The following SWT1 variants were observed in gnomAD, a reference collection of about 807,000 sequenced individuals.
The protein encoded by SWT1 is transcriptional protein SWT1.
A neutral mutation model predicts 107.3 loss-of-function variants in SWT1; 33 were observed. The observed-to-expected ratio is 0.31, with a 90% CI of 0.23 to 0.41. The LOEUF (loss-of-function observed/expected upper bound fraction) is 0.41. SWT1 is among the 10% of genes least tolerant of loss of function. The pLI is 1.00. For missense variants in SWT1, 898 were observed against 1,028.9 expected, an observed-to-expected ratio of 0.87 and a Z score of 1.74; for synonymous variants, 345 against 348.3, an observed-to-expected ratio of 0.99 and a Z score of 0.11.
chr1:185,168,301 C>A, intron 3 of SWT1, 39 bp from the exon 4 acceptor site: 1 of 987,236 alleles, frequency 1.0e-6, no homozygotes, highest in Non-Finnish European at 1.4e-6. Flanking sequence ...AAATATGTAC[C>A]AGTGCACAAT....
At chr1:185,198,022 G>A (rs758324551) in intron 10 of SWT1, among the ~76,000 whole-genome samples, 4 of 152,060 alleles carry the variant, frequency 2.6e-5, no homozygotes, top group African/African-American at 7.2e-5. Context: ...TCTTTTAATT[G>A]TGATGTTAGG....
At chr1:185,232,953 A>C (rs1335238533) in intron 16 of SWT1, among the ~76,000 whole-genome samples, 4 of 152,148 alleles carry the variant, frequency 2.6e-5, no homozygotes, top group Non-Finnish European at 4.4e-5. Flanking sequence ...CAGGTAATTC[A>C]TATGTGTCAG....
intron 10 of SWT1, among the ~76,000 whole-genome samples, chr1:185,196,486 T>C (rs1252604854): frequency 2.6e-5 from 4 of 152,164 alleles, no homozygotes; most frequent in Admixed American, 6.5e-5. Flanking sequence ...CTTCTTTCCA[T>C]ATGAAATTTA....
chr1:185,175,034 C>G lies in SWT1; in HGVS notation c.887C>G (p.Thr296Ser). 2 of 1,612,666 alleles carry G rather than the reference C, an allele frequency of 1.2e-6. No individual in the cohort carries two copies. Among genetic ancestry groups the G allele is most frequent in the Non-Finnish European group, 1.7e-6 (2 of 1,179,594 alleles). ...HLLSDFTYKR[T>S]VHEWKRKHHY... Reference sequence around the variant, plus strand: ...CTTTCAGATTTTACATATAAGCGGACTGTTCATGAGTGGAAACGAAAACAT... The same window carrying G: ...CTTTCAGATTTTACATATAAGCGGAGTGTTCATGAGTGGAAACGAAAACAT... Residue 296 changes from threonine (T) to serine (S), a missense_variant, in exon 5 of 19, where the codon ACT becomes AGT. Physicochemically the swap from Thr to Ser is moderately conservative, Grantham distance 58 (BLOSUM62 1). Around this residue, in one of 6 missense-constraint regions of SWT1, gnomAD observed 382 missense variants for 362.4 expected, o/e 1.05. Coordinates refer to ENST00000367500, the MANE Select transcript of SWT1 (RefSeq NM_017673.7).
intron 16 of SWT1, among the ~76,000 whole-genome samples, chr1:185,243,525 T>C (rs1661391427): frequency 6.6e-6 from 1 of 152,176 alleles, no homozygotes; most frequent in African/African-American, 2.4e-5. Flanking sequence ...TCCTCAAGGG[T>C]GTTTTCCAAT....
intron 15 of SWT1, among the ~76,000 whole-genome samples, chr1:185,229,286 AAAC>A (rs1232068535): frequency 1.3e-5 from 2 of 152,090 alleles, no homozygotes; most frequent in African/African-American, 2.4e-5. Flanking sequence ...TAAAGGTTAA[AAAC>A]AACAAGATTT....
At chr1:185,174,043 C>T (rs149605169) in intron 4 of SWT1, among the ~76,000 whole-genome samples, 2 of 152,140 alleles carry the variant, frequency 1.3e-5, no homozygotes, top group Non-Finnish European at 1.5e-5. Flanking sequence ...ATCACACATA[C>T]GTTCTGTTTT....
At chr1:185,195,115 A>G (rs964135096) in intron 10 of SWT1, among the ~76,000 whole-genome samples, 3 of 152,140 alleles carry the variant, frequency 2.0e-5, no homozygotes, top group Non-Finnish European at 4.4e-5. Context: ...TGTCATCTGC[A>G]TTAAGTATTT....
At chr1:185,250,112 A>T (rs1341811329) in intron 16 of SWT1, among the ~76,000 whole-genome samples, 1 of 152,114 alleles carries the variant, frequency 6.6e-6, no homozygotes, top group Non-Finnish European at 1.5e-5. Flanking sequence ...CTGTATGGAC[A>T]ATGCTCTTAT....
chr1:185,222,171 G>C, intron 15 of SWT1, 135 bp downstream of exon 15: 5 of 527,870 alleles, frequency 9.5e-6, no homozygotes, highest in Non-Finnish European at 1.5e-5. Flanking sequence ...AATCAGGCTA[G>C]TGAGCCTGAT....
At chr1:185,166,186 G>A (rs1202205968) in intron 2 of SWT1, among the ~76,000 whole-genome samples, 1 of 152,164 alleles carries the variant, frequency 6.6e-6, no homozygotes, top group African/African-American at 2.4e-5. Flanking sequence ...TTGGTACATG[G>A]TAGGTACTTC....
chr1:185,206,745 T>C lies in SWT1; in HGVS notation c.1954T>C (p.Tyr652His), dbSNP rs764994885. 3 of 1,598,288 alleles carry C rather than the reference T, an allele frequency of 1.9e-6. No homozygotes were observed. The highest frequency in any genetic ancestry group is 1.4e-5 in the African/African-American group (1 of 74,066). Residue 652 changes from tyrosine (Y) to histidine (H), a missense_variant, in exon 13 of 19, where the codon TAC becomes CAC. This residue lies in a region of SWT1 where 382 missense variants were observed against 460.0 expected (regional missense o/e 0.83). Coordinates refer to ENST00000367500, the MANE Select transcript of SWT1 (RefSeq NM_017673.7). ...CTTGCTTTTAACTATTGAGAGCCTA[T>C]ACAAAAATCTCCGTAAAGGTATGAA... Reference protein sequence around the residue: ...KNLLLTIESLYKNLRKANKAV... With the variant: ...KNLLLTIESLHKNLRKANKAV...
At chr1:185,248,474 T>C (rs1348772735) in intron 16 of SWT1, among the ~76,000 whole-genome samples, 1 of 152,244 alleles carries the variant, frequency 6.6e-6, no homozygotes, top group Non-Finnish European at 1.5e-5. Flanking sequence ...AAATTTAGTA[T>C]GTTAATTATT....
chr1:185,247,865 T>C (rs1165418431), intron 16 of SWT1, among the ~76,000 whole-genome samples: 1 of 151,070 alleles, frequency 6.6e-6, no homozygotes, highest in African/African-American at 2.4e-5. Context: ...TCTAGAAGTG[T>C]TTTTTTTTCC....
intron 16 of SWT1, among the ~76,000 whole-genome samples, chr1:185,245,450 C>T (rs765227559): frequency 2.6e-5 from 4 of 152,036 alleles, no homozygotes; most frequent in Non-Finnish European, 5.9e-5. Flanking sequence ...AAGAACCTAC[C>T]TGAGGCTCTT....
At chr1:185,179,825 C>T (rs1655871396) in intron 5 of SWT1, among the ~76,000 whole-genome samples, 1 of 152,206 alleles carries the variant, frequency 6.6e-6, no homozygotes, top group Non-Finnish European at 1.5e-5. Flanking sequence ...GGGACAGTTT[C>T]TCATCTGGAG....
intron 16 of SWT1, among the ~76,000 whole-genome samples, chr1:185,233,790 C>G (rs1057379293): frequency 3.3e-5 from 5 of 152,194 alleles, no homozygotes; most frequent in Non-Finnish European, 5.9e-5. Context: ...GTCGCCCAGG[C>G]TGGAGTGCAG....
chr1:185,184,590 A>G (rs1656295602), intron 8 of SWT1, among the ~76,000 whole-genome samples, 153 bp from the exon 9 acceptor site: 1 of 152,006 alleles, frequency 6.6e-6, no homozygotes, highest in Non-Finnish European at 1.5e-5. Flanking sequence ...TTTCTTTTTA[A>G]TTTCCATTTT....
At chr1:185,168,286 G>T in intron 3 of SWT1, 54 bp from the exon 4 acceptor site, 1 of 1,115,662 alleles carries the variant, frequency 9.0e-7, no homozygotes, top group Non-Finnish European at 1.2e-6. Flanking sequence ...ATAAACTGTG[G>T]AAAAAAATAT....
Sources: gnomAD v4.1 joint callset for allele counts (sites outside exome capture counted in the v4.1 genomes callset) on GRCh38, gnomAD v4.1.1 for gene constraint, gnomAD v4.1.1 regional missense constraint, MANE v1.5 for transcripts, NCBI Gene and HGNC (gene_info 2026-07-23, HGNC 2026-07-21) for gene names.